Variants in RAB11FIP5 observed in about 807,000 individuals in gnomAD.
The protein encoded by RAB11FIP5 is rab11 family-interacting protein 5.
RAB11FIP5 carries 48 observed loss-of-function variants against 85.1 expected under a neutral mutation model. That is an observed-to-expected ratio of 0.56 (90% CI 0.45 to 0.72). The LOEUF (loss-of-function observed/expected upper bound fraction) is 0.72. Ranked by LOEUF, RAB11FIP5 falls within the 30% of genes least tolerant of loss-of-function variation. RAB11FIP5 has a pLI of 0.00. For missense variants in RAB11FIP5, 1,491 were observed against 1,687.0 expected, an observed-to-expected ratio of 0.88 and a Z score of 2.04; for synonymous variants, 729 against 727.3, an observed-to-expected ratio of 1.00 and a Z score of -0.04.
At chr2:73,109,638 C>A (rs1490215665) in intron 1 of RAB11FIP5, among the ~76,000 whole-genome samples, 1 of 152,162 alleles carries the variant, frequency 6.6e-6, no homozygotes, top group Non-Finnish European at 1.5e-5. Flanking sequence ...CTTATCTGAG[C>A]CTGGTTTCAG....
At chr2:73,082,644 G>T (rs553044945) in intron 3 of RAB11FIP5, among the ~76,000 whole-genome samples, 2 of 152,330 alleles carry the variant, frequency 1.3e-5, no homozygotes, top group South Asian at 4.1e-4. Context: ...GACAGCAGCA[G>T]CAACTCTGGA....
At position 73,080,305 on chromosome 2, in the gene RAB11FIP5, T is replaced by C. The variant is rs1683947406; in HGVS notation, c.2927A>G (p.Glu976Gly). 2 of 1,232,914 alleles carry C rather than the reference T, an allele frequency of 1.6e-6. No individual in the cohort carries two copies. Among genetic ancestry groups the C allele is most frequent in the Non-Finnish European group, 2.0e-6 (2 of 988,742 alleles). 76.4% of individuals were successfully genotyped at this position (1,232,914 alleles called of 1,614,324 possible). Residue 976 changes from glutamate (E) to glycine (G), a missense_variant, in exon 4 of 6, where the codon GAA becomes GGA. Physicochemically the swap from Glu to Gly is moderately conservative, Grantham distance 98. Coordinates refer to ENST00000486777, the MANE Select transcript of RAB11FIP5 (RefSeq NM_001371272.1). ...GGGGCTGGCATCCTCCACTAGCTCT[T>C]CCAGGCCAGGCTGGCCCAGCAGGGT... The part of the protein sequence containing the change: ...SATLLGQPGL[E>G]ELVEDASPPV...
In RAB11FIP5 at chr2:73,078,641, A is replaced by G. The variant is rs574159367; in HGVS notation, c.3581+1010T>C. 3.9e-5 allele frequency among the ~76,000 whole-genome samples: 6 copies of G among 152,328 alleles called. No homozygotes were observed. The South Asian group carries it at 1.2e-3, about 32-fold the overall frequency. On this transcript the variant is annotated intron_variant, in intron 4 of 5. Coordinates refer to ENST00000486777, the MANE Select transcript of RAB11FIP5 (RefSeq NM_001371272.1). The surrounding 1 kb of genome is among the most constrained non-coding windows in gnomAD (Gnocchi z 4.4). ...CATTCCTTGGGAACAGAGTGGAGAC[A>G]GTGTCTTTCATCTGTTCAGCATCTG... is the stretch of plus-strand genomic sequence containing the variant.
chr2:73,081,495 GGCAGCGGCAGCAGTGGCA>G lies in RAB11FIP5; in HGVS notation c.1719_1736del (p.Ala576_Thr581del). 1 of 1,234,588 alleles carries G rather than the reference GGCAGCGGCAGCAGTGGCA, an allele frequency of 8.1e-7. No individual in the cohort carries two copies. The highest frequency in any genetic ancestry group is 1.0e-6 in the Non-Finnish European group (1 of 989,628). The allele number at this position is 1,234,588 out of a possible 1,614,324, so 76.5% of individuals were successfully genotyped here. A position where few individuals can be genotyped will look rare whatever the true frequency, so the allele number is the denominator to read the frequency against. On this transcript the variant is annotated inframe_deletion, in exon 4 of 6. Coordinates refer to ENST00000486777, the MANE Select transcript of RAB11FIP5 (RefSeq NM_001371272.1). This position sits in a 1 kb window ranked among gnomAD's most constrained non-coding sequence, Gnocchi z 4.2. The stretch of plus-strand genomic sequence containing the variant: ...TGGCTTCAGGGGCGGCGGTGGTGGC[GGCAGCGGCAGCAGTGGCA>G]GCAGCGGGGGAGGCGGCTGCAAAAA...
At chr2:73,102,124 G>A (rs113998038) in intron 1 of RAB11FIP5, among the ~76,000 whole-genome samples, 2 of 152,132 alleles carry the variant, frequency 1.3e-5, no homozygotes, top group Non-Finnish European at 2.9e-5. Flanking sequence ...AGGCGAGGAG[G>A]GGGTAGGGAG....
Position 73,081,672 on chromosome 2 carries a change from G to A in RAB11FIP5, c.1569-9C>T. The A allele has an allele frequency of 8.1e-7, 1 of 1,231,952 alleles. No individual in the cohort carries two copies. Among genetic ancestry groups the A allele is most frequent in the Non-Finnish European group, 1.0e-6 (1 of 987,810 alleles). 76.3% of individuals were successfully genotyped at this position (1,231,952 alleles called of 1,614,324 possible). ...GAGGAGACACGTCCAGGCTGTGGAG[G>A]GAGACAAAACCGTGAGCCTCCTGGT... On this transcript the variant is annotated splice_polypyrimidine_tract_variant and intron_variant, in intron 3 of 5. Coordinates refer to ENST00000486777, the MANE Select transcript of RAB11FIP5 (RefSeq NM_001371272.1). This position sits in a 1 kb window ranked among gnomAD's most constrained non-coding sequence, Gnocchi z 4.2.
intron 1 of RAB11FIP5, among the ~76,000 whole-genome samples, chr2:73,102,118 G>A (rs537771274): frequency 1.3e-5 from 2 of 152,120 alleles, no homozygotes; most frequent in African/African-American, 2.4e-5. Flanking sequence ...GGAAAGAGGC[G>A]AGGAGGGGGT....
chr2:73,088,820 C>A, intron 2 of RAB11FIP5, 59 bp downstream of exon 2: 2 of 1,535,038 alleles, frequency 1.3e-6, no homozygotes, highest in South Asian at 1.3e-5. Flanking sequence ...GCCTTCATCA[C>A]CACCCAAGGG....
intron 1 of RAB11FIP5, among the ~76,000 whole-genome samples, chr2:73,093,989 C>T (rs1440102884): frequency 6.6e-6 from 1 of 152,084 alleles, no homozygotes; most frequent in African/African-American, 2.4e-5. Flanking sequence ...GGTGTGGTGG[C>T]ACACGTTTGT....
At chr2:73,098,343 G>C (rs1472296687) in intron 1 of RAB11FIP5, among the ~76,000 whole-genome samples, 1 of 152,238 alleles carries the variant, frequency 6.6e-6, no homozygotes, top group Non-Finnish European at 1.5e-5. Context: ...CAACTGGCCA[G>C]ATAATACAAA....
intron 1 of RAB11FIP5, among the ~76,000 whole-genome samples, chr2:73,108,180 C>A (rs1004927152): frequency 2.6e-5 from 4 of 152,198 alleles, no homozygotes; most frequent in African/African-American, 9.7e-5. Context: ...AGGGGCTGAA[C>A]GGAGCCTCTT....
At position 73,089,300 on chromosome 2, in the gene RAB11FIP5, G is replaced by C. The variant is rs747819862; in HGVS notation, c.447C>G (p.His149Gln). 6.2e-7 allele frequency: 1 copy of C among 1,613,726 alleles called. No homozygotes were observed. Among genetic ancestry groups the C allele is most frequent in the Non-Finnish European group, 8.5e-7 (1 of 1,179,988 alleles). Reference sequence around the variant, plus strand: ...CCTTCTCCTTCTTGCCTGGCTTGGAGTGCAGCTTGTACCACCTGTGAGAAG... The same window carrying C: ...CCTTCTCCTTCTTGCCTGGCTTGGACTGCAGCTTGTACCACCTGTGAGAAG... ...RAQHTQWYKL[H>Q]SKPGKKEKER... The change falls in exon 2 of 6, where the codon CAC (histidine) becomes CAG (glutamine). Residue 149 changes from histidine (H) to glutamine (Q), a missense_variant. By Grantham distance (24) the His-to-Gln change is conservative. Coordinates refer to ENST00000486777, the MANE Select transcript of RAB11FIP5 (RefSeq NM_001371272.1). The surrounding 1 kb of genome is among the most constrained non-coding windows in gnomAD (Gnocchi z 4.6).
chr2:73,086,459 G>A lies in RAB11FIP5; in HGVS notation c.1568+1591C>T, dbSNP rs1218069891. 2.6e-5 allele frequency among the ~76,000 whole-genome samples: 4 copies of A among 152,128 alleles called. No individual in the cohort carries two copies. Among genetic ancestry groups the A allele is most frequent in the Non-Finnish European group, 5.9e-5 (4 of 68,014 alleles). ...CAACCCCACAGACTCACAGCCTGTG[G>A]GAGTCCAAGCCCAAAGCCTGGGCAG... On this transcript the variant is annotated intron_variant, in intron 3 of 5. Transcript: ENST00000486777. This position sits in a 1 kb window ranked among gnomAD's most constrained non-coding sequence, Gnocchi z 4.4.
In RAB11FIP5 at chr2:73,098,613, T is replaced by C. The variant is rs150219181; in HGVS notation, c.432-9298A>G. Among the ~76,000 whole-genome samples the C allele has an allele frequency of 9.4e-3, 1,427 of 152,208 alleles. 14 individuals carry two copies. Among genetic ancestry groups the C allele is most frequent in the African/African-American group, 0.032 (1,335 of 41,512 alleles). On this transcript the variant is annotated intron_variant, in intron 1 of 5. Transcript: ENST00000486777. Reference sequence around the variant, plus strand: ...CTCCCTGCCTCCAGAGCCCCCGACCTTGACCACTATACTATGCTGCCTCCC... The same window carrying C: ...CTCCCTGCCTCCAGAGCCCCCGACCCTGACCACTATACTATGCTGCCTCCC...
intron 1 of RAB11FIP5, among the ~76,000 whole-genome samples, chr2:73,099,403 C>A (rs1463273822): frequency 6.6e-6 from 1 of 152,160 alleles, no homozygotes; most frequent in Non-Finnish European, 1.5e-5. Context: ...GAGTCCATGG[C>A]ACCAAAAGGG....
In RAB11FIP5 at chr2:73,079,634, TG is replaced by T. The variant is rs1683928511; in HGVS notation, c.3581+16del. 1 of 1,232,830 alleles carries T rather than the reference TG, an allele frequency of 8.1e-7. No individual in the cohort carries two copies. The highest frequency in any genetic ancestry group is 1.5e-5 in the African/African-American group (1 of 64,552). The allele number at this position is 1,232,830 out of a possible 1,614,324, so 76.4% of individuals were successfully genotyped here. ...ACCCCCTTCCTCCTGGACAGTGTTC[TG>T]GGGGTGGATGCTCACCTGGCACTGG... is the stretch of plus-strand genomic sequence containing the variant. On this transcript the variant is annotated intron_variant, in intron 4 of 5. Transcript: ENST00000486777.
At chr2:73,093,844 C>T (rs571640149) in intron 1 of RAB11FIP5, among the ~76,000 whole-genome samples, 3 of 152,292 alleles carry the variant, frequency 2.0e-5, no homozygotes, top group East Asian at 1.9e-4. Flanking sequence ...ACCTCGGACG[C>T]GCATGGTGGC....
In RAB11FIP5 at chr2:73,112,673, G is replaced by A; in HGVS notation, c.105C>T (p.Ser35=). 1.9e-6 allele frequency: 3 copies of A among 1,592,506 alleles called. No individual in the cohort carries two copies. The highest frequency in any genetic ancestry group is 2.6e-6 in the Non-Finnish European group (3 of 1,171,506). ...VLRARGLRGK[S]SGAGSTSDAY... ...CGTCGCTGGTGCTGCCCGCTCCCGA[G>A]CTCTTGCCCCGCAGCCCGCGGGCCC... The change falls in exon 1 of 6, where the codon AGC becomes AGT. Residue 35 remains serine, a synonymous_variant. Transcript: ENST00000486777.
chr2:73,075,148 T>G lies in RAB11FIP5; in HGVS notation c.*373A>C. ...GTGGGAAGAAATGGCTGACCATCCT[T>G]GGGGGATAATAAAGTATGTGCTAGC... On this transcript the variant is annotated 3_prime_UTR_variant, in exon 6 of 6. Transcript: ENST00000486777. This position sits in a 1 kb window ranked among gnomAD's most constrained non-coding sequence, Gnocchi z 4.6. The G allele has an allele frequency of 2.1e-6, 1 of 477,142 alleles. No individual in the cohort carries two copies. Among genetic ancestry groups the G allele is most frequent in the East Asian group, 5.3e-5 (1 of 18,892 alleles). 29.6% of individuals were successfully genotyped at this position (477,142 alleles called of 1,614,324 possible).
Sources: gnomAD v4.1 joint callset for allele counts (sites outside exome capture counted in the v4.1 genomes callset) on GRCh38, gnomAD v4.1.1 for gene constraint, Gnocchi (gnomAD v3.1) non-coding constraint, MANE v1.5 for transcripts, NCBI Gene and HGNC (gene_info 2026-07-23, HGNC 2026-07-21) for gene names.